ENPP6: variants seen among roughly 807,000 people sequenced by gnomAD.
ENPP6 encodes glycerophosphocholine cholinephosphodiesterase ENPP6.
ENPP6 carries 32 observed loss-of-function variants against 42.0 expected under a neutral mutation model. That is an observed-to-expected ratio of 0.76 (90% CI 0.58 to 1.02). The LOEUF (loss-of-function observed/expected upper bound fraction) is 1.02, where lower values mean the gene tolerates loss of function less well. Among genes scored for constraint, ENPP6 ranks in the 50% least tolerant of loss-of-function variants. The pLI, the probability that ENPP6 is intolerant of heterozygous loss-of-function variation, is 0.00. For missense variants in ENPP6, 552 were observed against 566.8 expected (o/e 0.97, Z 0.27); for synonymous variants, 213 against 216.0 (o/e 0.99, Z 0.12).
intron 2 of ENPP6, 53 bp from the exon 3 acceptor site, chr4:184,124,325 G>A: frequency 1.5e-6 from 2 of 1,341,932 alleles, no homozygotes; most frequent in African/African-American, 1.4e-5. Flanking sequence ...GTAATGTCGA[G>A]TTATGAGCCT....
At chr4:184,199,676 C>T (rs1732860876) in intron 1 of ENPP6, among the ~76,000 whole-genome samples, 1 of 152,182 alleles carries the variant, frequency 6.6e-6, no homozygotes, top group African/African-American at 2.4e-5. Context: ...CTGCTGCCGT[C>T]CACCCTTCCC....
intron 1 of ENPP6, among the ~76,000 whole-genome samples, chr4:184,175,954 C>CT (rs35302221): frequency 4.7e-5 from 7 of 149,924 alleles, no homozygotes; most frequent in African/African-American, 1.2e-4. Context: ...CAAAATAATC[C>CT]TTTTTTTTTT....
intron 2 of ENPP6, among the ~76,000 whole-genome samples, chr4:184,151,733 T>C (rs1737028650): frequency 6.6e-6 from 1 of 152,162 alleles, no homozygotes; most frequent in Non-Finnish European, 1.5e-5. Flanking sequence ...TTGTTGATAA[T>C]AATGCCTCTG....
chr4:184,132,824 C>CATATATATAT (rs1560988107), intron 2 of ENPP6, among the ~76,000 whole-genome samples: 2 of 16,414 alleles, frequency 1.2e-4, no homozygotes, highest in Non-Finnish European at 1.4e-4. Flanking sequence ...TATATACACA[C>CATATATATAT]ACACACACAC....
At chr4:184,186,938 C>A (rs1185481773) in intron 1 of ENPP6, among the ~76,000 whole-genome samples, 1 of 152,182 alleles carries the variant, frequency 6.6e-6, no homozygotes, top group East Asian at 1.9e-4. Flanking sequence ...AGAATAAGAT[C>A]CAAAGTCTGC....
chr4:184,132,985 C>A (rs577951840), intron 2 of ENPP6, among the ~76,000 whole-genome samples: 3 of 151,926 alleles, frequency 2.0e-5, no homozygotes, highest in Non-Finnish European at 2.9e-5. Flanking sequence ...CTGACCTTTA[C>A]CCTTAGTCTA....
intron 1 of ENPP6, among the ~76,000 whole-genome samples, chr4:184,185,530 A>C (rs914826892): frequency 6.6e-5 from 10 of 152,106 alleles, no homozygotes; most frequent in African/African-American, 2.2e-4. Flanking sequence ...CCCAGACCCC[A>C]AGGTCCTTTC....
At chr4:184,207,208 C>T (rs1733015822) in intron 1 of ENPP6, among the ~76,000 whole-genome samples, 1 of 152,250 alleles carries the variant, frequency 6.6e-6, no homozygotes, top group South Asian at 2.1e-4. Flanking sequence ...TGGTAGTTTA[C>T]TGGCAGTAAA....
chr4:184,212,611 C>T (rs1278558094), intron 1 of ENPP6, among the ~76,000 whole-genome samples: 3 of 151,618 alleles, frequency 2.0e-5, no homozygotes, highest in Non-Finnish European at 4.4e-5. Context: ...AATGGAAGAA[C>T]ATTCCATGCT....
chr4:184,135,058 G>GAC (rs1736710443), intron 2 of ENPP6, among the ~76,000 whole-genome samples: 1 of 151,774 alleles, frequency 6.6e-6, no homozygotes, highest in Non-Finnish European at 1.5e-5. Context: ...ACAGTCAGAG[G>GAC]ACACATTCTG....
At chr4:184,149,024 T>G (rs1220073395) in intron 2 of ENPP6, among the ~76,000 whole-genome samples, 1 of 152,224 alleles carries the variant, frequency 6.6e-6, no homozygotes, top group African/African-American at 2.4e-5. Flanking sequence ...CTAAGGCCTC[T>G]TCCAGTCCTA....
At chr4:184,165,945 G>T (rs765634425) in intron 1 of ENPP6, among the ~76,000 whole-genome samples, 108 of 152,334 alleles carry the variant, frequency 7.1e-4, no homozygotes, top group Non-Finnish European at 1.4e-3. Flanking sequence ...GAGGTGTAAA[G>T]ATTAGTTTAG....
chr4:184,176,079 C>T (rs557287372), intron 1 of ENPP6, among the ~76,000 whole-genome samples: 5 of 152,192 alleles, frequency 3.3e-5, no homozygotes, highest in East Asian at 3.9e-4. Flanking sequence ...TGTGAGCTAC[C>T]ATGCCTAGCC....
chr4:184,104,396 C>G (rs1736053499), intron 6 of ENPP6, among the ~76,000 whole-genome samples: 1 of 152,218 alleles, frequency 6.6e-6, no homozygotes, highest in African/African-American at 2.4e-5. Context: ...GCATTTCTCT[C>G]AAGTCAGGCA....
At chr4:184,131,196 TCTTTCTTCTTTCTTTCTTTCTTTTTC>T (rs1560987258) in intron 2 of ENPP6, among the ~76,000 whole-genome samples, 6 of 54,328 alleles carry the variant, frequency 1.1e-4, no homozygotes, top group African/African-American at 3.6e-4. Flanking sequence ...TTTCTTTCTT[TCTTTCTTCTTTCTTTCTTTCTTTTTC>T]TTTCTTTCTT....
Position 184,186,203 on chromosome 4 carries a change from A to G in ENPP6, c.241+31376T>C, listed in dbSNP as rs545802152. On this transcript the variant is annotated intron_variant, in intron 1 of 7. Transcript: ENST00000296741. ...TATTATAAAAACTTGAGGAATAGCCATACAATGGGATACTATTCTGCTGTA... is the reference window on the plus strand; with the variant it reads ...TATTATAAAAACTTGAGGAATAGCCGTACAATGGGATACTATTCTGCTGTA... 6.0e-4 allele frequency among the ~76,000 whole-genome samples: 92 copies of G among 152,370 alleles called. 1 individual carries two copies. Among genetic ancestry groups the G allele is most frequent in the African/African-American group, 1.9e-3 (78 of 41,598 alleles).
rs182561924 is a variant in ENPP6, at chr4:184,184,953, G to A, written c.242-31220C>T. Reference sequence around the variant, plus strand: ...ACAAAGGCTGCGAGACAGGAGGAATGGGAGGAGAGGAGCTGCGTCACATCT... The same window carrying A: ...ACAAAGGCTGCGAGACAGGAGGAATAGGAGGAGAGGAGCTGCGTCACATCT... On this transcript the variant is annotated intron_variant, in intron 1 of 7. Coordinates refer to ENST00000296741, the MANE Select transcript of ENPP6 (RefSeq NM_153343.4). The surrounding 1 kb of genome is among the most constrained non-coding windows in gnomAD (Gnocchi z 4.7). Among the ~76,000 whole-genome samples, 1 of 152,350 alleles carries A rather than the reference G, an allele frequency of 6.6e-6. No individual in the cohort carries two copies. The highest frequency in any genetic ancestry group is 1.5e-5 in the Non-Finnish European group (1 of 68,036).
At chr4:184,134,180 T>C (rs1241579195) in intron 2 of ENPP6, among the ~76,000 whole-genome samples, 1 of 133,620 alleles carries the variant, frequency 7.5e-6, no homozygotes, top group Non-Finnish European at 1.7e-5. Flanking sequence ...TATCACACTA[T>C]GTTGGCCAGG....
chr4:184,134,663 T>G (rs960466350), intron 2 of ENPP6, among the ~76,000 whole-genome samples: 18 of 127,744 alleles, frequency 1.4e-4, no homozygotes, highest in Admixed American at 1.1e-3. Flanking sequence ...ACTTTAACAG[T>G]TTTTTTTTCC....
Sources: allele counts gnomAD v4.1 joint callset (sites outside exome capture counted in the v4.1 genomes callset), GRCh38; gene constraint gnomAD v4.1.1; non-coding constraint Gnocchi (gnomAD v3.1); transcripts MANE v1.5; gene names NCBI Gene and HGNC (gene_info 2026-07-23, HGNC 2026-07-21).